MFHAS1: variants seen among roughly 807,000 people sequenced by gnomAD.
The protein encoded by MFHAS1 is malignant fibrous histiocytoma-amplified sequence 1.
A neutral mutation model predicts 70.4 loss-of-function variants in MFHAS1; 50 were observed. That is an observed-to-expected ratio of 0.71 (90% confidence interval 0.57 to 0.90). MFHAS1 has a LOEUF of 0.90. MFHAS1 is among the 40% of genes least tolerant of loss of function. The pLI is 0.00. For missense variants in MFHAS1, 1,795 were observed against 1,347.6 expected, an observed-to-expected ratio of 1.33 and a Z score of -5.20; for synonymous variants, 952 against 620.0, an observed-to-expected ratio of 1.54 and a Z score of -7.96.
At chr8:8,867,294 A>T (rs1375711704) in intron 1 of MFHAS1, among the ~76,000 whole-genome samples, 2 of 152,200 alleles carry the variant, frequency 1.3e-5, no homozygotes, top group African/African-American at 4.8e-5. Context: ...TTTTTATAAC[A>T]AAAGTTAAAA....
intron 1 of MFHAS1, among the ~76,000 whole-genome samples, chr8:8,867,778 C>T (rs1218689905): frequency 2.0e-5 from 3 of 152,004 alleles, no homozygotes; most frequent in Non-Finnish European, 2.9e-5. Context: ...AGGATTGTCT[C>T]GATCTCCTGA....
Position 8,890,648 on chromosome 8 carries a change from C to G in MFHAS1, c.2411G>C (p.Arg804Pro). ...LHGLLPAHVI[R>P]LLLKPHVQAQ... The stretch of plus-strand genomic sequence containing the variant: ...CTGGACATGAGGCTTAAGCAGCAAC[C>G]GAATGACATGAGCTGGCAAGAGCCC... The change falls in exon 1 of 3, where the codon CGG becomes CCG. Residue 804 changes from arginine (R) to proline (P), a missense_variant. Physicochemically the swap from Arg to Pro is moderately radical, Grantham distance 103. Transcript: ENST00000276282. 1 of 1,613,578 alleles carries G rather than the reference C, an allele frequency of 6.2e-7. No homozygotes were observed. Among genetic ancestry groups the G allele is most frequent in the South Asian group, 1.1e-5 (1 of 91,062 alleles).
rs1318450171 is a variant in MFHAS1, at chr8:8,783,359, C to G, written c.*2663G>C. On this transcript the variant is annotated 3_prime_UTR_variant, in exon 3 of 3. Coordinates refer to ENST00000276282, the MANE Select transcript of MFHAS1 (RefSeq NM_004225.3). ...AAGTTCTGGGAATACAACTGTTTAA[C>G]CATTTCTTTGTATTTTTATTGATTT... 1 of 152,188 alleles carries G rather than the reference C, an allele frequency of 6.6e-6. No homozygotes were observed. The highest frequency in any genetic ancestry group is 1.5e-5 in the Non-Finnish European group (1 of 68,034). 9.4% of individuals were successfully genotyped at this position (152,188 alleles called of 1,614,324 possible).
intron 2 of MFHAS1, among the ~76,000 whole-genome samples, chr8:8,790,974 G>A (rs1442899199): frequency 1.3e-5 from 2 of 152,190 alleles, no homozygotes; most frequent in Non-Finnish European, 2.9e-5. Context: ...GATCTTGCTT[G>A]AATGGGAACT....
intron 1 of MFHAS1, among the ~76,000 whole-genome samples, chr8:8,859,589 C>T (rs1028055198): frequency 1.3e-5 from 2 of 152,180 alleles, no homozygotes; most frequent in Non-Finnish European, 2.9e-5. Flanking sequence ...TCAATTTTAA[C>T]ATGACAAGGA....
At position 8,892,702 on chromosome 8, in the gene MFHAS1, G is replaced by T; in HGVS notation, c.357C>A (p.Ser119Arg). ...LGHHLTELDV[S>R]HNRLTALGAE... ...CGCCCAGGGCGGTCAGCCGGTTGTGGCTCACGTCCAGCTCGGTGAGGTGGT... is the reference window on the plus strand; with the variant it reads ...CGCCCAGGGCGGTCAGCCGGTTGTGTCTCACGTCCAGCTCGGTGAGGTGGT... Residue 119 changes from serine to arginine, a missense_variant, in exon 1 of 3, where the codon AGC becomes AGA. Transcript: ENST00000276282. The surrounding 1 kb of genome is among the most constrained non-coding windows in gnomAD (Gnocchi z 4.7). The T allele has an allele frequency of 6.3e-7, 1 of 1,581,356 alleles. No individual in the cohort carries two copies. The highest frequency in any genetic ancestry group is 8.6e-7 in the Non-Finnish European group (1 of 1,163,960).
At chr8:8,789,923 C>A (rs1026333900) in intron 2 of MFHAS1, among the ~76,000 whole-genome samples, 2 of 152,080 alleles carry the variant, frequency 1.3e-5, no homozygotes, top group Non-Finnish European at 2.9e-5. Flanking sequence ...GCCTACCCGG[C>A]CTTGCCCGTT....
chr8:8,790,333 T>C (rs891183296), intron 2 of MFHAS1: 30 of 977,658 alleles, frequency 3.1e-5, no homozygotes, highest in South Asian at 9.5e-5. Context: ...CCCTTAAAAA[T>C]TGGTGCTCCT....
intron 1 of MFHAS1, among the ~76,000 whole-genome samples, chr8:8,843,288 AG>A (rs1489411426): frequency 6.6e-6 from 1 of 151,730 alleles, no homozygotes; most frequent in African/African-American, 2.4e-5. Context: ...AAAAAAAAAA[AG>A]AAAGCGAAAG....
At chr8:8,889,903 A>AC (rs1400606351) in intron 1 of MFHAS1, among the ~76,000 whole-genome samples, 158 bp downstream of exon 1, 5 of 152,204 alleles carry the variant, frequency 3.3e-5, no homozygotes, top group Non-Finnish European at 7.3e-5. Flanking sequence ...GGTACTTACT[A>AC]CCTTTTGCTC....
intron 1 of MFHAS1, among the ~76,000 whole-genome samples, chr8:8,810,971 T>C (rs1806525169): frequency 6.6e-6 from 1 of 152,138 alleles, no homozygotes; most frequent in African/African-American, 2.4e-5. Context: ...ACCCACAGGC[T>C]TGCAATCGGA....
intron 1 of MFHAS1, among the ~76,000 whole-genome samples, chr8:8,878,350 C>G (rs1809376269): frequency 6.6e-6 from 1 of 152,146 alleles, no homozygotes; most frequent in Admixed American, 6.5e-5. Context: ...GTCAATTTCT[C>G]CTTCTGAAAG....
chr8:8,872,805 A>G (rs993677470), intron 1 of MFHAS1, among the ~76,000 whole-genome samples: 5 of 152,206 alleles, frequency 3.3e-5, no homozygotes, highest in African/African-American at 4.8e-5. Flanking sequence ...TGGGAACAAT[A>G]CAGTAACCAG....
intron 1 of MFHAS1, among the ~76,000 whole-genome samples, chr8:8,838,227 C>A (rs1226555931): frequency 6.6e-6 from 1 of 152,072 alleles, no homozygotes; most frequent in African/African-American, 2.4e-5. Context: ...GACAAAAAGC[C>A]CATCAGTGGT....
At chr8:8,848,684 A>G (rs1300614322) in intron 1 of MFHAS1, among the ~76,000 whole-genome samples, 1 of 152,218 alleles carries the variant, frequency 6.6e-6, no homozygotes, top group Admixed American at 6.5e-5. Flanking sequence ...TGAGTACTCA[A>G]TAGAGAATGG....
chr8:8,844,628 T>C (rs2116859902), intron 1 of MFHAS1, among the ~76,000 whole-genome samples: 1 of 152,348 alleles, frequency 6.6e-6, no homozygotes, highest in South Asian at 2.1e-4. Context: ...AGCTCTCTGC[T>C]TCAGATGCCT....
chr8:8,816,158 G>T (rs1806735005), intron 1 of MFHAS1, among the ~76,000 whole-genome samples: 1 of 152,280 alleles, frequency 6.6e-6, no homozygotes, highest in South Asian at 2.1e-4. Context: ...GGTGAGGATG[G>T]GAGCCAGGAA....
intron 1 of MFHAS1, among the ~76,000 whole-genome samples, chr8:8,849,064 C>CTTTTTTTTTTTTTTTTTT (rs145250762): frequency 5.3e-5 from 4 of 75,772 alleles, no homozygotes; most frequent in African/African-American, 1.9e-4. Flanking sequence ...TCCTTTTTAC[C>CTTTTTTTTTTTTTTTTTT]TTTTTTTTTT....
At chr8:8,887,459 C>T (rs1481419189) in intron 1 of MFHAS1, among the ~76,000 whole-genome samples, 6 of 151,128 alleles carry the variant, frequency 4.0e-5, no homozygotes, top group African/African-American at 1.5e-4. Context: ...CTATTCTATA[C>T]CCTCTGCTAC....
Sources: allele counts gnomAD v4.1 joint callset (sites outside exome capture counted in the v4.1 genomes callset), GRCh38; gene constraint gnomAD v4.1.1; non-coding constraint Gnocchi (gnomAD v3.1); transcripts MANE v1.5; gene names NCBI Gene and HGNC (gene_info 2026-07-23, HGNC 2026-07-21).